DRG2: variants seen among roughly 807,000 people sequenced by gnomAD.
DRG2 encodes the protein developmentally regulated GTP binding protein 2, also known as developmentally-regulated GTP-binding protein 2.
In DRG2, 36 loss-of-function variants were observed where a neutral mutation model predicts 53.4. The observed-to-expected ratio is 0.67, with a 90% confidence interval of 0.52 to 0.89. The LOEUF is 0.89. Among genes scored for constraint, DRG2 ranks in the 40% least tolerant of loss-of-function variants. The probability of loss-of-function intolerance (pLI) is 0.00; values close to 1 mark genes in which losing one functional copy is unlikely to be tolerated. For synonymous variants in DRG2, 167 were observed against 192.1 expected, an observed-to-expected ratio of 0.87 and a Z score of 1.08; for missense variants, 342 against 481.2, an observed-to-expected ratio of 0.71 and a Z score of 2.71.
At position 18,102,128 on chromosome 17, in the gene DRG2, C is replaced by T. The variant is rs1022711930; in HGVS notation, c.806+131C>T. The stretch of plus-strand genomic sequence containing the variant: ...AGCCTCCAGCAGCACACAGCCGTCA[C>T]GGAGCCCAGGACTTCCTGCCCAGGG... On this transcript the variant is annotated intron_variant, in intron 9 of 12. Transcript: ENST00000225729. 7 of 950,986 alleles carry T rather than the reference C, an allele frequency of 7.4e-6. No homozygotes were observed. In the South Asian group the frequency reaches 9.2e-5, roughly 13 times the overall value. The allele number at this position is 950,986 out of a possible 1,614,324, so 58.9% of individuals were successfully genotyped here. A position where few individuals can be genotyped will look rare whatever the true frequency, so the allele number is the denominator to read the frequency against.
At chr17:18,104,803 C>T (rs776115342) in intron 11 of DRG2, 122 bp downstream of exon 11, 23 of 1,517,306 alleles carry the variant, frequency 1.5e-5, no homozygotes, top group African/African-American at 5.5e-5. Flanking sequence ...CAGATGTCAA[C>T]GCAGGCTCTG....
Position 18,099,581 on chromosome 17 carries a change from G to A in DRG2, c.377-52G>A, listed in dbSNP as rs1223088385. ...AGGAGTCCAGGGCGCCGTGGGCTGG[G>A]TAGCAGTCACATGGGTCCACATATG... On this transcript the variant is annotated intron_variant, in intron 4 of 12. Transcript: ENST00000225729. The surrounding 1 kb of genome is among the most constrained non-coding windows in gnomAD (Gnocchi z 4.4). 1.5e-5 allele frequency: 24 copies of A among 1,554,588 alleles called. No homozygotes were observed. Among genetic ancestry groups the A allele is most frequent in the Non-Finnish European group, 2.1e-5 (24 of 1,146,976 alleles).
At chr17:18,090,370 A>ATTTATT (rs1387543719) in intron 1 of DRG2, among the ~76,000 whole-genome samples, 2 of 11,718 alleles carry the variant, frequency 1.7e-4, no homozygotes, top group South Asian at 6.3e-3. Flanking sequence ...GGGCTAATTT[A>ATTTATT]TATATATATA....
chr17:18,092,643 A>G (rs187901935), intron 1 of DRG2, among the ~76,000 whole-genome samples: 2 of 152,352 alleles, frequency 1.3e-5, no homozygotes, highest in East Asian at 1.9e-4. Flanking sequence ...AAAAAAACCA[A>G]TATAATACCC....
rs2045300007 is a variant in DRG2 at position 18,090,383 on chromosome 17, TATATATA to T, written c.64+2297_64+2303del. 1.4e-4 allele frequency among the ~76,000 whole-genome samples: 5 copies of T among 34,676 alleles called. 2 individuals carry two copies. Among genetic ancestry groups the T allele is most frequent in the Admixed American group, 9.1e-4 (2 of 2,196 alleles). 22.7% of individuals were successfully genotyped at this position (34,676 alleles called of 152,430 possible). A position where few individuals can be genotyped will look rare whatever the true frequency, so the allele number is the denominator to read the frequency against. On this transcript the variant is annotated intron_variant, in intron 1 of 12. Transcript: ENST00000225729. Reference sequence around the variant, plus strand: ...CCGGGCTAATTTATATATATATATATATATATATATATATATATATATATTTTTTTTT... The same window carrying T: ...CCGGGCTAATTTATATATATATATATTATATATATATATATATTTTTTTTT...
chr17:18,099,683 A>T lies in DRG2; in HGVS notation c.427A>T (p.Ile143Phe). 1 of 1,607,782 alleles carries T rather than the reference A, an allele frequency of 6.2e-7. No homozygotes were observed. Among genetic ancestry groups the T allele is most frequent in the South Asian group, 1.1e-5 (1 of 89,326 alleles). Residue 143 changes from isoleucine to phenylalanine, a missense_variant, in exon 5 of 13, where the codon ATC becomes TTC. Ile to Phe is a conservative substitution (Grantham distance 21). Coordinates refer to ENST00000225729, the MANE Select transcript of DRG2 (RefSeq NM_001388.5). This position sits in a 1 kb window ranked among gnomAD's most constrained non-coding sequence, Gnocchi z 4.4. Reference sequence around the variant, plus strand: ...CGCTGTGGCGCGCACGGCTGACGTCATCATCATGATGCTGGATGCCACCAA... The same window carrying T: ...CGCTGTGGCGCGCACGGCTGACGTCTTCATCATGATGCTGGATGCCACCAA... ...VIAVARTADV[I>F]IMMLDATKGE...
At position 18,107,552 on chromosome 17, in the gene DRG2, C is replaced by A; in HGVS notation, c.*312C>A. On this transcript the variant is annotated 3_prime_UTR_variant, in exon 13 of 13. Transcript: ENST00000225729. ...GCAAGTTGCCCACATGCCCGCCAGC[C>A]AGGGCCTAAAGCAGATGGCATGCTC... 4.9e-6 allele frequency: 2 copies of A among 410,720 alleles called. No homozygotes were observed. The highest frequency in any genetic ancestry group is 4.5e-6 in the Non-Finnish European group (1 of 219,802). The allele number at this position is 410,720 out of a possible 1,614,324, so 25.4% of individuals were successfully genotyped here. A position where few individuals can be genotyped will look rare whatever the true frequency, so the allele number is the denominator to read the frequency against.
intron 12 of DRG2, among the ~76,000 whole-genome samples, chr17:18,106,797 C>T (rs555232886): frequency 1.3e-5 from 2 of 150,512 alleles, no homozygotes; most frequent in African/African-American, 4.9e-5. Flanking sequence ...AAAAGCGATC[C>T]TCCCACCTCA....
chr17:18,105,205 G>A (rs1440450882), intron 11 of DRG2, among the ~76,000 whole-genome samples: 1 of 152,166 alleles, frequency 6.6e-6, no homozygotes, highest in Non-Finnish European at 1.5e-5. Context: ...CAGGGAGCAA[G>A]AGGCTGCCTT....
At chr17:18,095,256 C>T (rs541862226) in intron 2 of DRG2, among the ~76,000 whole-genome samples, 2 of 151,998 alleles carry the variant, frequency 1.3e-5, no homozygotes, top group African/African-American at 4.8e-5. Context: ...AGGTGATCCG[C>T]CCACCTTGGC....
At chr17:18,101,420 C>CT in intron 7 of DRG2, 73 bp from the exon 8 acceptor site, 1 of 1,470,818 alleles carries the variant, frequency 6.8e-7, no homozygotes, top group Non-Finnish European at 9.4e-7. Context: ...TCCTGCTTGG[C>CT]TTTTTGGGGC....
Position 18,098,107 on chromosome 17 carries a change from G to C in DRG2, c.226-163G>C. ...ACCCATCCAGGACAGGGCCAGAGGTGAGCCCTCTGGCTGGGAGGTCTCTTC... is the reference window on the plus strand; with the variant it reads ...ACCCATCCAGGACAGGGCCAGAGGTCAGCCCTCTGGCTGGGAGGTCTCTTC... On this transcript the variant is annotated intron_variant, in intron 2 of 12. Coordinates refer to ENST00000225729, the MANE Select transcript of DRG2 (RefSeq NM_001388.5). This position sits in a 1 kb window ranked among gnomAD's most constrained non-coding sequence, Gnocchi z 4.1. 1.6e-6 allele frequency: 1 copy of C among 615,224 alleles called. No individual in the cohort carries two copies. The highest frequency in any genetic ancestry group is 3.0e-6 in the Non-Finnish European group (1 of 336,282). 38.1% of individuals were successfully genotyped at this position (615,224 alleles called of 1,614,324 possible). A position where few individuals can be genotyped will look rare whatever the true frequency, so the allele number is the denominator to read the frequency against.
At chr17:18,089,269 C>G (rs1303180286) in intron 1 of DRG2, among the ~76,000 whole-genome samples, 1 of 152,170 alleles carries the variant, frequency 6.6e-6, no homozygotes, top group South Asian at 2.1e-4. Flanking sequence ...CTCCAAATAG[C>G]TGGGATTACA....
chr17:18,106,199 G>A (rs113760076), intron 11 of DRG2: 53 of 568,356 alleles, frequency 9.3e-5, no homozygotes, highest in African/African-American at 8.6e-4. Flanking sequence ...TCCTAACTAT[G>A]CACCACAGCT....
intron 9 of DRG2, among the ~76,000 whole-genome samples, chr17:18,102,990 A>T (rs2045566860): frequency 6.6e-6 from 1 of 152,154 alleles, no homozygotes. Flanking sequence ...GAGCTCAGGG[A>T]CCAAGAGGCT....
chr17:18,106,321 C>T (rs1419589705), intron 11 of DRG2, 112 bp from the exon 12 acceptor site: 20 of 1,203,566 alleles, frequency 1.7e-5, no homozygotes, highest in Middle Eastern at 2.0e-4. Context: ...GGGCACCTGC[C>T]GCGGGAACTC....
At chr17:18,096,204 A>T (rs751574062) in intron 2 of DRG2, 1 of 152,100 alleles carries the variant, frequency 6.6e-6, no homozygotes, top group African/African-American at 2.4e-5. Flanking sequence ...AGGTTTCTCC[A>T]CCGTGGAGAC....
chr17:18,094,216 G>A, intron 2 of DRG2: 1 of 487,914 alleles, frequency 2.0e-6, no homozygotes, highest in Non-Finnish European at 3.7e-6. Flanking sequence ...TACTTCTCGA[G>A]TGTGTATCTC....
At chr17:18,104,300 G>T (rs780221611) in intron 10 of DRG2, among the ~76,000 whole-genome samples, 3 of 152,226 alleles carry the variant, frequency 2.0e-5, no homozygotes, top group Non-Finnish European at 4.4e-5. Flanking sequence ...GTGAGCTACA[G>T]CTTCCCTCAC....
Sources: allele counts gnomAD v4.1 joint callset (sites outside exome capture counted in the v4.1 genomes callset), GRCh38; gene constraint gnomAD v4.1.1; non-coding constraint Gnocchi (gnomAD v3.1); transcripts MANE v1.5; gene names NCBI Gene and HGNC (gene_info 2026-07-23, HGNC 2026-07-21).